Variants in TMOD1 observed in about 807,000 individuals in gnomAD.
The protein encoded by TMOD1 is tropomodulin-1.
A neutral mutation model predicts 40.6 loss-of-function variants in TMOD1; 17 were observed. That is an observed-to-expected ratio of 0.42 (90% CI 0.29 to 0.63). The LOEUF is 0.63. TMOD1 is among the 20% of genes least tolerant of loss of function. The pLI, the probability that TMOD1 is intolerant of heterozygous loss-of-function variation, is 0.22. For missense variants in TMOD1, 391 were observed against 447.6 expected (o/e 0.87, Z 1.14); for synonymous variants, 181 against 175.0 (o/e 1.03, Z -0.27).
At chr9:97,519,085 G>A (rs2131217369) in intron 1 of TMOD1, among the ~76,000 whole-genome samples, 1 of 152,380 alleles carries the variant, frequency 6.6e-6, no homozygotes, top group East Asian at 1.9e-4. Context: ...TGCCGCGTAA[G>A]TGCCTCCTCT....
At chr9:97,535,654 A>G (rs1462609107) in intron 2 of TMOD1, among the ~76,000 whole-genome samples, 1 of 152,260 alleles carries the variant, frequency 6.6e-6, no homozygotes, top group Non-Finnish European at 1.5e-5. Context: ...CACATGAGGC[A>G]GGAAAGGAGG....
chr9:97,501,453 G>C (rs1268668654), upstream of TMOD1, among the ~76,000 whole-genome samples: 1 of 152,062 alleles, frequency 6.6e-6, no homozygotes, highest in Non-Finnish European at 1.5e-5. Flanking sequence ...GCAGGGGCCC[G>C]CGCTCGCTCG....
chr9:97,546,167 C>A lies in TMOD1; in HGVS notation c.121-18C>A. 6.3e-7 allele frequency: 1 copy of A among 1,595,036 alleles called. No individual in the cohort carries two copies. The highest frequency in any genetic ancestry group is 8.5e-7 in the Non-Finnish European group (1 of 1,173,516). Reference sequence around the variant, plus strand: ...CTCTCTTTCTCTCTCTCCTGCCCCCCCACAACCTCCAATGTAGAATGCACT... The same window carrying A: ...CTCTCTTTCTCTCTCTCCTGCCCCCACACAACCTCCAATGTAGAATGCACT... On this transcript the variant is annotated intron_variant, in intron 2 of 9. Coordinates refer to ENST00000259365, the MANE Select transcript of TMOD1 (RefSeq NM_003275.4).
intron 1 of TMOD1, among the ~76,000 whole-genome samples, chr9:97,509,350 T>A (rs1282237799): frequency 6.6e-6 from 1 of 152,168 alleles, no homozygotes; most frequent in Non-Finnish European, 1.5e-5. Context: ...AAACAAAGCT[T>A]CTATTATAAG....
intron 1 of TMOD1, among the ~76,000 whole-genome samples, chr9:97,514,230 GT>G (rs869250843): frequency 1.2e-3 from 76 of 65,298 alleles, no homozygotes; most frequent in African/African-American, 3.2e-3. Context: ...CCTGGCTAAT[GT>G]TTTTTTTTTG....
chr9:97,541,554 T>G (rs929073094), intron 2 of TMOD1, among the ~76,000 whole-genome samples: 2 of 151,554 alleles, frequency 1.3e-5, no homozygotes, highest in Non-Finnish European at 2.9e-5. Context: ...CTCACTCTGT[T>G]GATCAGGCTG....
intron 2 of TMOD1, among the ~76,000 whole-genome samples, chr9:97,544,424 T>A (rs553629698): frequency 6.6e-6 from 1 of 151,750 alleles, no homozygotes; most frequent in South Asian, 2.1e-4. Context: ...TAGTCCCAGC[T>A]ACTCGGGAGG....
In TMOD1 at chr9:97,601,518, C is replaced by CA; in HGVS notation, c.*1822dup. On this transcript the variant is annotated 3_prime_UTR_variant, in exon 10 of 10. Coordinates refer to ENST00000259365, the MANE Select transcript of TMOD1 (RefSeq NM_003275.4). ...ATCTCTCATAGAAACGAAACCAAAC[C>CA]AACAGAAAATGAAGAAGGCCACATC... The CA allele has an allele frequency of 1.0e-6, 1 of 988,974 alleles. No individual in the cohort carries two copies. The highest frequency in any genetic ancestry group is 1.2e-6 in the Non-Finnish European group (1 of 832,088). The allele number at this position is 988,974 out of a possible 1,614,324, so 61.3% of individuals were successfully genotyped here.
intron 1 of TMOD1, among the ~76,000 whole-genome samples, chr9:97,521,926 T>C (rs1193860338): frequency 3.3e-5 from 5 of 152,224 alleles, no homozygotes; most frequent in Non-Finnish European, 1.5e-5. Context: ...TTTAATTATT[T>C]TTCATTAACA....
chr9:97,545,436 T>G (rs1830345705), intron 2 of TMOD1, among the ~76,000 whole-genome samples: 1 of 152,246 alleles, frequency 6.6e-6, no homozygotes, highest in South Asian at 2.1e-4. Flanking sequence ...CCTAGAAGCC[T>G]GCTTATGTTT....
In TMOD1 at chr9:97,502,402, C is replaced by T. The variant is rs1463645210; in HGVS notation, c.-49+599C>T. Among the ~76,000 whole-genome samples the T allele has an allele frequency of 6.6e-6, 1 of 152,222 alleles. No homozygotes were observed. Among genetic ancestry groups the T allele is most frequent in the Non-Finnish European group, 1.5e-5 (1 of 68,040 alleles). On this transcript the variant is annotated intron_variant, in intron 1 of 9. Coordinates refer to ENST00000259365, the MANE Select transcript of TMOD1 (RefSeq NM_003275.4). The surrounding 1 kb of genome is among the most constrained non-coding windows in gnomAD (Gnocchi z 6.1). ...TTAAAGCACCACGACACGCGCTACG[C>T]GGCCAAGTGGAGCTGGAAAGAGCTT...
intron 3 of TMOD1, among the ~76,000 whole-genome samples, chr9:97,549,540 G>A (rs1181370266): frequency 6.6e-6 from 1 of 152,126 alleles, no homozygotes; most frequent in African/African-American, 2.4e-5. Flanking sequence ...TTTTCCTTGT[G>A]TGTTTTCCTC....
chr9:97,592,559 T>C (rs1826023589), intron 9 of TMOD1, among the ~76,000 whole-genome samples: 1 of 152,170 alleles, frequency 6.6e-6, no homozygotes, highest in African/African-American at 2.4e-5. Context: ...CAACCCTCGA[T>C]AAAATGCAAA....
chr9:97,518,170 T>C (rs1284270413), intron 1 of TMOD1, among the ~76,000 whole-genome samples: 1 of 152,212 alleles, frequency 6.6e-6, no homozygotes, highest in Non-Finnish European at 1.5e-5. Context: ...CCTGTGAATG[T>C]GACCTGTGAA....
At chr9:97,508,671 G>A (rs778940155) in intron 1 of TMOD1, among the ~76,000 whole-genome samples, 13 of 152,184 alleles carry the variant, frequency 8.5e-5, no homozygotes, top group Non-Finnish European at 1.6e-4. Flanking sequence ...GGCCTGCCTG[G>A]ATGTAAATCC....
chr9:97,501,633 G>T (rs1488200529), upstream of TMOD1: 2 of 147,902 alleles, frequency 1.4e-5, no homozygotes. Flanking sequence ...CCACCCCCGA[G>T]CCCACAGCTC....
At chr9:97,567,970 C>T (rs1353494656) in intron 7 of TMOD1, among the ~76,000 whole-genome samples, 2 of 152,158 alleles carry the variant, frequency 1.3e-5, no homozygotes, top group African/African-American at 4.8e-5. Context: ...TTTCCACCAA[C>T]TGCTAATTAT....
chr9:97,567,746 C>A (rs556689005), intron 7 of TMOD1, among the ~76,000 whole-genome samples: 1 of 152,190 alleles, frequency 6.6e-6, no homozygotes, highest in Non-Finnish European at 1.5e-5. Context: ...AGCTGACATG[C>A]CATCCCGGGG....
At chr9:97,565,019 A>T (rs1164762801) in intron 6 of TMOD1, among the ~76,000 whole-genome samples, 1 of 152,174 alleles carries the variant, frequency 6.6e-6, no homozygotes, top group Non-Finnish European at 1.5e-5. Flanking sequence ...CTCTGCTCCC[A>T]TGGGAGCTAA....
Sources: gnomAD v4.1 joint callset for allele counts (sites outside exome capture counted in the v4.1 genomes callset) on GRCh38, gnomAD v4.1.1 for gene constraint, Gnocchi (gnomAD v3.1) non-coding constraint, MANE v1.5 for transcripts, NCBI Gene and HGNC (gene_info 2026-07-23, HGNC 2026-07-21) for gene names.